The following PUS10 variants were observed in gnomAD, a reference collection of about 807,000 sequenced individuals.
The protein encoded by PUS10 is tRNA pseudouridine synthase Pus10.
A neutral mutation model predicts 75.0 loss-of-function variants in PUS10; 59 were observed. The ratio of observed to expected loss-of-function variants is 0.79; its 90% confidence interval spans 0.64 to 0.98. PUS10 has a LOEUF of 0.98. Among genes scored for constraint, PUS10 ranks in the 50% least tolerant of loss-of-function variants. The probability of loss-of-function intolerance (pLI) is 0.00; values close to 1 mark genes in which losing one functional copy is unlikely to be tolerated. For missense variants in PUS10, 650 were observed against 614.4 expected, an observed-to-expected ratio of 1.06 and a Z score of -0.61; for synonymous variants, 219 against 211.6, an observed-to-expected ratio of 1.03 and a Z score of -0.30.
Position 60,941,876 on chromosome 2 carries a change from G to A in PUS10, c.*519C>T, listed in dbSNP as rs1487063237. 2.6e-5 allele frequency: 4 copies of A among 152,352 alleles called. No individual in the cohort carries two copies. The highest frequency in any genetic ancestry group is 2.4e-5 in the African/African-American group (1 of 41,436). 9.4% of individuals were successfully genotyped at this position (152,352 alleles called of 1,614,324 possible). On this transcript the variant is annotated 3_prime_UTR_variant, in exon 18 of 18. Coordinates refer to ENST00000316752, the MANE Select transcript of PUS10 (RefSeq NM_144709.4). ...AATCACAGCCAAAAGAACTTCATTG[G>A]TAATAGCTTGTTTGAGGCTTCCTGG...
chr2:60,982,448 AG>A (rs2104501253), intron 4 of PUS10, among the ~76,000 whole-genome samples: 1 of 152,072 alleles, frequency 6.6e-6, no homozygotes, highest in East Asian at 1.9e-4. Context: ...TTTTTAGTAG[AG>A]GCAGGGTTTT....
intron 4 of PUS10, among the ~76,000 whole-genome samples, chr2:60,996,532 G>A (rs866733350): frequency 1.5e-4 from 23 of 151,842 alleles, no homozygotes; most frequent in African/African-American, 5.6e-4. Context: ...TAATATCCAC[G>A]GAGCCAAGGT....
intron 4 of PUS10, among the ~76,000 whole-genome samples, chr2:61,002,438 C>G (rs977584537): frequency 6.6e-6 from 1 of 152,196 alleles, no homozygotes; most frequent in Non-Finnish European, 1.5e-5. Flanking sequence ...ACTACTCTAT[C>G]TATCCTGTTT....
At chr2:60,981,390 C>A (rs1043301975) in intron 4 of PUS10, among the ~76,000 whole-genome samples, 13 of 152,240 alleles carry the variant, frequency 8.5e-5, no homozygotes, top group Non-Finnish European at 1.9e-4. Flanking sequence ...TCAAGCGATT[C>A]TCCTGCCTCA....
At chr2:60,990,280 C>T (rs147142638) in intron 4 of PUS10, among the ~76,000 whole-genome samples, 131 of 152,110 alleles carry the variant, frequency 8.6e-4, no homozygotes, top group East Asian at 6.0e-3. Context: ...GTGGATCAAC[C>T]CTCCTGAGGA....
chr2:60,994,172 T>C (rs1316655408), intron 4 of PUS10, among the ~76,000 whole-genome samples: 1 of 151,680 alleles, frequency 6.6e-6, no homozygotes, highest in African/African-American at 2.4e-5. Context: ...AAAGTAGTAG[T>C]ACTATTCCTT....
intron 4 of PUS10, among the ~76,000 whole-genome samples, chr2:60,974,211 CTTT>C (rs35241132): frequency 5.2e-5 from 5 of 96,112 alleles, no homozygotes; most frequent in African/African-American, 9.8e-5. Context: ...GATAAAGCTC[CTTT>C]TTTTTTTTTT....
chr2:60,975,912 C>T (rs971351173), intron 4 of PUS10, among the ~76,000 whole-genome samples: 2 of 152,118 alleles, frequency 1.3e-5, no homozygotes, highest in African/African-American at 2.4e-5. Flanking sequence ...CAGGCACCCG[C>T]CACCACATCC....
chr2:61,014,784 G>C (rs1679857717), intron 1 of PUS10, among the ~76,000 whole-genome samples: 1 of 152,174 alleles, frequency 6.6e-6, no homozygotes, highest in African/African-American at 2.4e-5. Flanking sequence ...TTGTGGAAGG[G>C]TGAAGCTCCT....
intron 4 of PUS10, among the ~76,000 whole-genome samples, chr2:60,987,644 G>A (rs1677804449): frequency 6.6e-6 from 1 of 152,148 alleles, no homozygotes; most frequent in African/African-American, 2.4e-5. Flanking sequence ...AGCTAAAATA[G>A]CTAAACAGGT....
chr2:60,944,270 C>T, intron 17 of PUS10: 6 of 976,542 alleles, frequency 6.1e-6, no homozygotes, highest in Non-Finnish European at 7.3e-6. Context: ...AATCCCAGAG[C>T]ACTTGAGAGA....
At chr2:60,975,306 C>G (rs191030397) in intron 4 of PUS10, among the ~76,000 whole-genome samples, 3 of 152,160 alleles carry the variant, frequency 2.0e-5, no homozygotes, top group African/African-American at 7.2e-5. Context: ...GCCACCACAC[C>G]CAGCTAATTT....
Position 60,940,329 on chromosome 2 carries a change from C to T in PUS10, c.*2066G>A, listed in dbSNP as rs550999984. The T allele has an allele frequency of 1.3e-4, 20 of 152,232 alleles. No individual in the cohort carries two copies. Among genetic ancestry groups the T allele is most frequent in the South Asian group, 1.0e-3 (5 of 4,818 alleles). 9.4% of individuals were successfully genotyped at this position (152,232 alleles called of 1,614,324 possible). ...TATATTTGGGACTATATAAGAGATA[C>T]TAAGAAGTACAAAGGGCTCTTTCTC... On this transcript the variant is annotated 3_prime_UTR_variant, in exon 18 of 18. Transcript: ENST00000316752.
At chr2:60,977,881 T>C (rs1440020780) in intron 4 of PUS10, among the ~76,000 whole-genome samples, 1 of 152,190 alleles carries the variant, frequency 6.6e-6, no homozygotes, top group Non-Finnish European at 1.5e-5. Flanking sequence ...GTACTGCCTA[T>C]GTGGTGAGAT....
rs969567190 is a variant in PUS10, at chr2:60,940,817, T to C, written c.*1578A>G. On this transcript the variant is annotated 3_prime_UTR_variant, in exon 18 of 18. Transcript: ENST00000316752. ...TTCTTACCTTTTTATCAAAAGTTTG[T>C]TATCCTTTTCTCATTTTCTGGGCCT... is the stretch of plus-strand genomic sequence containing the variant. The C allele has an allele frequency of 6.6e-6, 1 of 152,366 alleles. No individual in the cohort carries two copies. The highest frequency in any genetic ancestry group is 2.4e-5 in the African/African-American group (1 of 41,470). The allele number at this position is 152,366 out of a possible 1,614,324, so 9.4% of individuals were successfully genotyped here.
chr2:60,945,092 C>A lies in PUS10; in HGVS notation c.1468G>T (p.Val490Leu), dbSNP rs1674859499. The change falls in exon 17 of 18, where the codon GTA becomes TTA. Residue 490 changes from valine to leucine, a missense_variant. Transcript: ENST00000316752. ...TQAGTYIKEF[V>L]HGDFGRTKPN... ...TTGGTTCTCCCGAAGTCTCCATGTA[C>A]AAACTCTTTAATGTAGCTGGGGTTT... The A allele has an allele frequency of 6.2e-7, 1 of 1,613,156 alleles. No homozygotes were observed. Among genetic ancestry groups the A allele is most frequent in the Non-Finnish European group, 8.5e-7 (1 of 1,179,114 alleles).
chr2:60,997,007 G>A (rs1678509479), intron 4 of PUS10, among the ~76,000 whole-genome samples: 1 of 152,090 alleles, frequency 6.6e-6, no homozygotes, highest in African/African-American at 2.4e-5. Context: ...AAAAAGCTGG[G>A]GAGTCCTGTT....
chr2:60,980,602 T>C (rs1677325189), intron 4 of PUS10, among the ~76,000 whole-genome samples: 1 of 152,196 alleles, frequency 6.6e-6, no homozygotes, highest in Non-Finnish European at 1.5e-5. Context: ...AAACTTGGCC[T>C]GTGGACAAAA....
At chr2:60,965,608 A>G (rs1676291824) in intron 6 of PUS10, 124 bp from the exon 7 acceptor site, 2 of 669,232 alleles carry the variant, frequency 3.0e-6, no homozygotes, top group South Asian at 4.1e-5. Context: ...AAAACTGGAA[A>G]TACTACTGCT....
Sources: allele counts gnomAD v4.1 joint callset (sites outside exome capture counted in the v4.1 genomes callset), GRCh38; gene constraint gnomAD v4.1.1; transcripts MANE v1.5; gene names NCBI Gene and HGNC (gene_info 2026-07-23, HGNC 2026-07-21).